Variants in SLC4A8 observed in about 807,000 individuals in gnomAD.
SLC4A8 encodes electroneutral sodium bicarbonate exchanger 1.
Under a neutral mutation model 125.0 loss-of-function variants are expected in SLC4A8, and 40 were observed. The ratio of observed to expected loss-of-function variants is 0.32; its 90% CI spans 0.25 to 0.42. The LOEUF is 0.42. Ranked by LOEUF, SLC4A8 falls within the 10% of genes least tolerant of loss-of-function variation. The pLI is 1.00. For missense variants in SLC4A8, 863 were observed against 1,355.1 expected, an observed-to-expected ratio of 0.64 and a Z score of 5.70; for synonymous variants, 456 against 476.0, an observed-to-expected ratio of 0.96 and a Z score of 0.55.
At position 51,450,981 on chromosome 12, in the gene SLC4A8, G is replaced by T; in HGVS notation, c.236G>T (p.Gly79Val). ...QKHRRRGRGK[G>V]ASQGEEGLEA... ...CACCGGAGACGAGGGCGGGGCAAAG[G>T]AGCCAGCCAGGGGGAGGAAGGCCTG... The change falls in exon 3 of 25, where the codon GGA becomes GTA. Residue 79 changes from glycine to valine, a missense_variant. Gly to Val is a moderately radical substitution (Grantham distance 109). This residue lies in a region of SLC4A8 where 104 missense variants were observed against 116.4 expected (regional missense o/e 0.89). Coordinates refer to ENST00000453097, the MANE Select transcript of SLC4A8 (RefSeq NM_001039960.3). 6.3e-7 allele frequency: 1 copy of T among 1,574,856 alleles called. No individual in the cohort carries two copies. Among genetic ancestry groups the T allele is most frequent in the Non-Finnish European group, 8.6e-7 (1 of 1,158,404 alleles).
intron 2 of SLC4A8, among the ~76,000 whole-genome samples, chr12:51,449,084 G>A (rs1949881116): frequency 6.6e-6 from 1 of 152,158 alleles, no homozygotes; most frequent in Admixed American, 6.5e-5. Context: ...ACCCAGCTTG[G>A]CAGAGGAGAG....
intron 2 of SLC4A8, among the ~76,000 whole-genome samples, chr12:51,446,283 G>A (rs1949771660): frequency 1.3e-5 from 2 of 152,204 alleles, no homozygotes; most frequent in Admixed American, 1.3e-4. Flanking sequence ...GGTAAGAAGT[G>A]CGATTCCACC....
chr12:51,486,978 A>G (rs1951179454), intron 17 of SLC4A8, among the ~76,000 whole-genome samples: 2 of 152,172 alleles, frequency 1.3e-5, no homozygotes, highest in Non-Finnish European at 1.5e-5. Context: ...TCTAATACCT[A>G]GCTGAGATCA....
chr12:51,478,688 A>T (rs765490836), intron 16 of SLC4A8, among the ~76,000 whole-genome samples: 32 of 152,302 alleles, frequency 2.1e-4, no homozygotes, highest in Non-Finnish European at 4.1e-4. Context: ...TGCTTAACAT[A>T]TATTTGTTTG....
At chr12:51,483,079 T>C (rs2138370979) in intron 16 of SLC4A8, among the ~76,000 whole-genome samples, 1 of 152,278 alleles carries the variant, frequency 6.6e-6, no homozygotes, top group South Asian at 2.1e-4. Flanking sequence ...TTGTTGAGTC[T>C]GTCCAAAGCT....
intron 19 of SLC4A8, among the ~76,000 whole-genome samples, chr12:51,492,853 C>G (rs892345808): frequency 4.0e-5 from 6 of 151,840 alleles, no homozygotes; most frequent in Non-Finnish European, 7.4e-5. Flanking sequence ...CCCCCACCCC[C>G]CAACAGGCCC....
intron 8 of SLC4A8, among the ~76,000 whole-genome samples, chr12:51,460,954 A>G (rs1950307042): frequency 6.6e-6 from 1 of 152,216 alleles, no homozygotes; most frequent in Non-Finnish European, 1.5e-5. Flanking sequence ...AATTGTGTCT[A>G]TGGAAACCCT....
chr12:51,424,047 A>AAAC (rs1948866014), upstream of SLC4A8, among the ~76,000 whole-genome samples: 3 of 51,570 alleles, frequency 5.8e-5, no homozygotes, highest in African/African-American at 1.9e-4. Flanking sequence ...CAAAAAAAAA[A>AAAC]AAAAAACAAA....
intron 2 of SLC4A8, 108 bp downstream of exon 2, chr12:51,440,897 A>G (rs1304809445): frequency 9.5e-7 from 1 of 1,051,292 alleles, no homozygotes; most frequent in Non-Finnish European, 1.3e-6. Flanking sequence ...GACCTTGGGG[A>G]AAATCACTTG....
intron 5 of SLC4A8, among the ~76,000 whole-genome samples, chr12:51,455,876 A>G (rs894186703): frequency 2.0e-5 from 3 of 152,158 alleles, no homozygotes; most frequent in South Asian, 2.1e-4. Context: ...ACTTTTGACT[A>G]TTTGTCTGAA....
intron 1 of SLC4A8, among the ~76,000 whole-genome samples, chr12:51,436,705 C>A (rs552382940): frequency 3.3e-4 from 50 of 152,190 alleles, no homozygotes; most frequent in Non-Finnish European, 6.5e-4. Flanking sequence ...TGGCTCACTG[C>A]AATCTCTGCC....
chr12:51,490,046 A>G, intron 19 of SLC4A8, 95 bp downstream of exon 19: 1 of 1,190,584 alleles, frequency 8.4e-7, no homozygotes, highest in East Asian at 2.3e-5. Flanking sequence ...CCAAATACTT[A>G]CAAGTATAAA....
chr12:51,449,249 G>T (rs1041280912), intron 2 of SLC4A8, among the ~76,000 whole-genome samples: 10 of 152,054 alleles, frequency 6.6e-5, no homozygotes, highest in African/African-American at 1.9e-4. Flanking sequence ...ACAAGCCTGG[G>T]CAACATGGCA....
chr12:51,471,159 A>G (rs948315104), intron 13 of SLC4A8, 128 bp from the exon 14 acceptor site: 4 of 868,054 alleles, frequency 4.6e-6, no homozygotes, highest in South Asian at 1.6e-5. Context: ...GAAGGAAAAT[A>G]CAATCAGAAT....
At chr12:51,465,283 A>G (rs768118612) in intron 11 of SLC4A8, among the ~76,000 whole-genome samples, 21 of 152,240 alleles carry the variant, frequency 1.4e-4, no homozygotes, top group Non-Finnish European at 2.6e-4. Context: ...TGAAAGTAGT[A>G]GAATTTAGGG....
chr12:51,450,687 G>A (rs1182246012), intron 2 of SLC4A8, 189 bp from the exon 3 acceptor site: 1 of 611,600 alleles, frequency 1.6e-6, no homozygotes, highest in Non-Finnish European at 2.9e-6. Context: ...GCAGGACAAA[G>A]GAAGAGACCT....
chr12:51,447,040 G>A (rs1228039960), intron 2 of SLC4A8, among the ~76,000 whole-genome samples: 4 of 145,340 alleles, frequency 2.8e-5, no homozygotes, highest in Non-Finnish European at 6.2e-5. Context: ...CTGCCTGCCT[G>A]TCTGTCTGTC....
chr12:51,414,667 A>G (rs931699805), intron 1 of SLC4A8, among the ~76,000 whole-genome samples: 21 of 152,084 alleles, frequency 1.4e-4, no homozygotes, highest in African/African-American at 3.9e-4. Context: ...GTGCCACTGT[A>G]CTCTCACCTG....
At chr12:51,399,283 C>CA (rs1234401362) in intron 1 of SLC4A8, among the ~76,000 whole-genome samples, 4 of 151,694 alleles carry the variant, frequency 2.6e-5, no homozygotes, top group Admixed American at 6.6e-5. Context: ...GTGCATATGG[C>CA]AAAAAAAATC....
Sources: allele counts gnomAD v4.1 joint callset (sites outside exome capture counted in the v4.1 genomes callset), GRCh38; gene constraint gnomAD v4.1.1; regional missense constraint gnomAD v4.1.1; transcripts MANE v1.5; gene names NCBI Gene and HGNC (gene_info 2026-07-23, HGNC 2026-07-21).